CAMTA1: variants seen among roughly 807,000 people sequenced by gnomAD.
CAMTA1 encodes the protein calmodulin-binding transcription activator 1.
A neutral mutation model predicts 170.9 loss-of-function variants in CAMTA1; 27 were observed. The observed-to-expected ratio is 0.16, with a 90% CI of 0.12 to 0.22. The LOEUF is 0.22. CAMTA1 is among the 10% of genes least tolerant of loss of function. The pLI is 1.00. For synonymous variants in CAMTA1, 833 were observed against 891.5 expected, an observed-to-expected ratio of 0.93 and a Z score of 1.17; for missense variants, 1,619 against 2,217.2, an observed-to-expected ratio of 0.73 and a Z score of 5.42.
At chr1:7,165,458 G>T (rs956041746) in intron 4 of CAMTA1, among the ~76,000 whole-genome samples, 7 of 151,958 alleles carry the variant, frequency 4.6e-5, no homozygotes, top group African/African-American at 1.2e-4. Context: ...TGGAGACGGA[G>T]TCTCACTCTG....
intron 5 of CAMTA1, among the ~76,000 whole-genome samples, chr1:7,418,426 T>G (rs185932764): frequency 1.7e-3 from 258 of 152,282 alleles, no homozygotes; most frequent in African/African-American, 5.7e-3. Flanking sequence ...CTTGAACTCT[T>G]GACCTCAGGT....
intron 19 of CAMTA1, among the ~76,000 whole-genome samples, chr1:7,749,046 G>T (rs1281986307): frequency 6.6e-6 from 1 of 152,170 alleles, no homozygotes; most frequent in African/African-American, 2.4e-5. Flanking sequence ...TATCAAGGTG[G>T]TTATAAAATA....
chr1:6,813,334 C>T (rs1645401774), intron 1 of CAMTA1, among the ~76,000 whole-genome samples: 1 of 151,860 alleles, frequency 6.6e-6, no homozygotes, highest in Non-Finnish European at 1.5e-5. Flanking sequence ...TGTGCTGTTT[C>T]TTATTTATTA....
At chr1:7,283,306 C>T (rs78410285) in intron 5 of CAMTA1, among the ~76,000 whole-genome samples, 19,401 of 152,088 alleles carry the variant, frequency 0.13, 1,613 homozygotes, top group Non-Finnish European at 0.19. Context: ...CTTTGTGATC[C>T]CATCTTTGAA....
intron 11 of CAMTA1, among the ~76,000 whole-genome samples, chr1:7,723,981 G>A (rs1300964789): frequency 2.6e-5 from 4 of 152,056 alleles, no homozygotes; most frequent in South Asian, 2.1e-4. Flanking sequence ...CACCACACCC[G>A]GCTAATTTTT....
At chr1:6,904,540 T>C (rs941168685) in intron 3 of CAMTA1, among the ~76,000 whole-genome samples, 5 of 151,640 alleles carry the variant, frequency 3.3e-5, no homozygotes, top group Non-Finnish European at 5.9e-5. Context: ...AAGCCTTTTT[T>C]TTTCTTTCTT....
intron 12 of CAMTA1, among the ~76,000 whole-genome samples, chr1:7,735,932 C>G (rs1245491314): frequency 3.9e-5 from 6 of 152,036 alleles, no homozygotes; most frequent in Non-Finnish European, 7.4e-5. Context: ...ACCACCACGC[C>G]TGGCTAATTT....
rs201903603 is a variant in CAMTA1 at position 7,766,016 on chromosome 1, G to C, written c.4990-443G>C. Among the ~76,000 whole-genome samples, 3 of 119,386 alleles carry C rather than the reference G, an allele frequency of 2.5e-5. No individual in the cohort carries two copies. In the East Asian group the frequency reaches 7.7e-4, roughly 31 times the overall value. 78.3% of individuals were successfully genotyped at this position (119,386 alleles called of 152,430 possible). On this transcript the variant is annotated intron_variant, in intron 22 of 22. Transcript: ENST00000303635. ...CACTCCAGCCTGGGTAACACAGCGA[G>C]ATTCTGTCTCAAAAAAAAAAAAAAA...
intron 6 of CAMTA1, among the ~76,000 whole-genome samples, chr1:7,470,355 C>T (rs2093308619): frequency 6.6e-6 from 1 of 152,222 alleles, no homozygotes; most frequent in Non-Finnish European, 1.5e-5. Flanking sequence ...AATTACAACA[C>T]CAGGATAATG....
rs533610600 is a variant in CAMTA1, at chr1:7,410,967, G to A, written c.439-56863G>A. Among the ~76,000 whole-genome samples, 18 of 151,174 alleles carry A rather than the reference G, an allele frequency of 1.2e-4. 1 individual carries two copies. The East Asian group carries it at 3.1e-3, about 26-fold the overall frequency. On this transcript the variant is annotated intron_variant, in intron 5 of 22. Transcript: ENST00000303635. ...TGTATATGTGTGTATGTCTGTGTGT[G>A]TATGTGTGTGTATATGTGTTTGTGT...
intron 5 of CAMTA1, among the ~76,000 whole-genome samples, chr1:7,296,939 A>T (rs1040945095): frequency 1.3e-5 from 2 of 152,222 alleles, no homozygotes; most frequent in Non-Finnish European, 2.9e-5. Context: ...GGGCAAGAAA[A>T]CCAGGAAAGC....
At chr1:7,217,313 A>G (rs1659924739) in intron 4 of CAMTA1, among the ~76,000 whole-genome samples, 1 of 152,214 alleles carries the variant, frequency 6.6e-6, no homozygotes, top group Admixed American at 6.5e-5. Context: ...AGGCCTCTCC[A>G]ACCATGTGGA....
At chr1:7,037,818 A>T (rs535034464) in intron 3 of CAMTA1, among the ~76,000 whole-genome samples, 1 of 151,004 alleles carries the variant, frequency 6.6e-6, no homozygotes, top group Admixed American at 6.6e-5. Context: ...AGCCTGGGCA[A>T]CAGAGCGAGA....
chr1:6,785,552 T>C lies in CAMTA1; in HGVS notation c.22T>C (p.Trp8Arg). 9.4e-7 allele frequency: 1 copy of C among 1,067,190 alleles called. No individual in the cohort carries two copies. The allele number at this position is 1,067,190 out of a possible 1,614,324, so 66.1% of individuals were successfully genotyped here. Residue 8 changes from tryptophan (W) to arginine (R), a missense_variant, in exon 1 of 23, where the codon TGG becomes CGG. By Grantham distance (101) the Trp-to-Arg change is moderately radical. This residue lies in a region of CAMTA1 where 61 missense variants were observed against 57.7 expected (regional missense o/e 1.06). Coordinates refer to ENST00000303635, the MANE Select transcript of CAMTA1 (RefSeq NM_015215.4). Reference sequence around the variant, plus strand: ...GAGGATGTGGCGCGCGGAGGGGAAATGGCTGCCGAAAACAAGCCGGAAGGT... The same window carrying C: ...GAGGATGTGGCGCGCGGAGGGGAAACGGCTGCCGAAAACAAGCCGGAAGGT... The part of the protein sequence containing the change: MWRAEGK[W>R]LPKTSRKSVS...
At chr1:6,892,981 A>C (rs1057407786) in intron 3 of CAMTA1, among the ~76,000 whole-genome samples, 1 of 145,644 alleles carries the variant, frequency 6.9e-6, no homozygotes, top group African/African-American at 2.5e-5. Flanking sequence ...AAGAACTGTT[A>C]AAAAAAAAAA....
In CAMTA1 at chr1:7,343,641, C is replaced by T. The variant is rs180888849; in HGVS notation, c.438+94015C>T. 1.1e-4 allele frequency among the ~76,000 whole-genome samples: 16 copies of T among 152,296 alleles called. 1 individual carries two copies. The East Asian group carries it at 2.3e-3, about 22-fold the overall frequency. ...CCACGGGCTCTTCTCTGTCCCTCCC[C>T]GACCTTCCCACCTCCCAAAGGTCAT... On this transcript the variant is annotated intron_variant, in intron 5 of 22. Coordinates refer to ENST00000303635, the MANE Select transcript of CAMTA1 (RefSeq NM_015215.4).
At chr1:6,902,025 A>G (rs930421155) in intron 3 of CAMTA1, among the ~76,000 whole-genome samples, 23 of 146,436 alleles carry the variant, frequency 1.6e-4, no homozygotes, top group Middle Eastern at 3.5e-3. Context: ...AGCCCGAATG[A>G]CAAGGTGAGA....
intron 4 of CAMTA1, among the ~76,000 whole-genome samples, chr1:7,218,336 G>GT (rs963599632): frequency 2.9e-4 from 44 of 152,098 alleles, no homozygotes; most frequent in Admixed American, 5.2e-4. Flanking sequence ...TCTCATTTTA[G>GT]TTTTTTTTCT....
At chr1:7,611,247 A>T (rs867742718) in intron 6 of CAMTA1, among the ~76,000 whole-genome samples, 12 of 152,280 alleles carry the variant, frequency 7.9e-5, no homozygotes, top group South Asian at 2.1e-4. Flanking sequence ...TTTATTTATC[A>T]CGTTGATATT....
Sources: gnomAD v4.1 joint callset for allele counts (sites outside exome capture counted in the v4.1 genomes callset) on GRCh38, gnomAD v4.1.1 for gene constraint, gnomAD v4.1.1 regional missense constraint, MANE v1.5 for transcripts, NCBI Gene and HGNC (gene_info 2026-07-23, HGNC 2026-07-21) for gene names.